TGFBI: variants seen among roughly 807,000 people sequenced by gnomAD.
TGFBI encodes transforming growth factor beta induced, also known as transforming growth factor-beta-induced protein ig-h3.
A neutral mutation model predicts 73.7 loss-of-function variants in TGFBI; 50 were observed. That is an observed-to-expected ratio of 0.68 (90% CI 0.54 to 0.86). The LOEUF (loss-of-function observed/expected upper bound fraction) is 0.86, where lower values mean the gene tolerates loss of function less well. TGFBI is among the 40% of genes least tolerant of loss of function. TGFBI has a pLI of 0.00. For missense variants in TGFBI, 839 were observed against 877.0 expected (o/e 0.96, Z 0.55); for synonymous variants, 362 against 360.5 (o/e 1.00, Z -0.05).
At position 136,052,991 on chromosome 5, in the gene TGFBI, C is replaced by T. The variant is rs767052038; in HGVS notation, c.998C>T (p.Thr333Met). ...CTGTCTGTAGAGACCCTGGAGGGCA[C>T]GACACTGGAGGTGGGCTGCAGCGGG... ...AGLSVETLEG[T>M]TLEVGCSGDM... The change falls in exon 8 of 17, where the codon ACG becomes ATG. Residue 333 changes from threonine to methionine, a missense_variant. Thr to Met is a moderately conservative substitution (Grantham distance 81). Coordinates refer to ENST00000442011, the MANE Select transcript of TGFBI (RefSeq NM_000358.3). 21 of 1,613,862 alleles carry T rather than the reference C, an allele frequency of 1.3e-5. No individual in the cohort carries two copies. The highest frequency in any genetic ancestry group is 1.0e-4 in the Admixed American group (6 of 60,002).
At chr5:136,035,112 C>T (rs1751190491) in intron 2 of TGFBI, among the ~76,000 whole-genome samples, 2 of 152,052 alleles carry the variant, frequency 1.3e-5, no homozygotes, top group African/African-American at 4.8e-5. Context: ...GGGGAGATAC[C>T]AGCAGTCCCT....
chr5:136,053,112 A>G lies in TGFBI; in HGVS notation c.1119A>G (p.Pro373=). ...VIHYIDELLI[P]DSAKTLFELA... ...ACTACATTGATGAGCTACTCATCCC[A>G]GACTCAGGTAGGCCAGGCCTCCGGG... Residue 373 remains proline, a synonymous_variant, in exon 8 of 17, where the codon CCA becomes CCG. Coordinates refer to ENST00000442011, the MANE Select transcript of TGFBI (RefSeq NM_000358.3). 1 of 1,613,918 alleles carries G rather than the reference A, an allele frequency of 6.2e-7. No homozygotes were observed.
At chr5:136,051,679 G>A (rs1246201593) in intron 7 of TGFBI, among the ~76,000 whole-genome samples, 1 of 152,206 alleles carries the variant, frequency 6.6e-6, no homozygotes, top group Non-Finnish European at 1.5e-5. Flanking sequence ...GAAGCAGCCA[G>A]GGCTGGTGGT....
In TGFBI at chr5:136,055,682, C is replaced by G. The variant is rs778990116; in HGVS notation, c.1413C>G (p.Ser471Arg). The G allele has an allele frequency of 6.2e-7, 1 of 1,600,342 alleles. No homozygotes were observed. Among genetic ancestry groups the G allele is most frequent in the East Asian group, 2.2e-5 (1 of 44,508 alleles). ...KKLRVFVYRNSLCIENSCIAA... is the reference protein window; with the variant it reads ...KKLRVFVYRNRLCIENSCIAA... ...TTCTCTGTCCCTCTTCTGTGCAGAG[C>G]CTCTGCATTGAGAACAGCTGCATCG... Residue 471 changes from serine (S) to arginine (R), a missense_variant and splice_region_variant, in exon 11 of 17, where the codon AGC becomes AGG. Transcript: ENST00000442011.
intron 16 of TGFBI, 68 bp from the exon 17 acceptor site, chr5:136,063,118 C>A (rs369092068): frequency 1.8e-4 from 266 of 1,466,362 alleles, no homozygotes; most frequent in Admixed American, 2.6e-4. Context: ...CCTTGAGATT[C>A]TGACAGTGTC....
At chr5:136,043,103 G>C (rs192440046) in intron 2 of TGFBI, among the ~76,000 whole-genome samples, 1 of 152,338 alleles carries the variant, frequency 6.6e-6, no homozygotes, top group East Asian at 1.9e-4. Context: ...GGAAGGACTG[G>C]CTGTTTGCAT....
intron 2 of TGFBI, among the ~76,000 whole-genome samples, chr5:136,038,913 C>T (rs112019008): frequency 3.3e-5 from 5 of 152,222 alleles, no homozygotes; most frequent in African/African-American, 1.2e-4. Flanking sequence ...CCCATAAGGC[C>T]GATTTCTGAC....
intron 7 of TGFBI, among the ~76,000 whole-genome samples, chr5:136,051,082 A>C (rs536512262): frequency 2.0e-5 from 3 of 152,186 alleles, no homozygotes; most frequent in Non-Finnish European, 2.9e-5. Flanking sequence ...AGGCTTTTAG[A>C]ACTGTATTCC....
chr5:136,060,672 T>C (rs565844262), intron 13 of TGFBI, among the ~76,000 whole-genome samples, 162 bp from the exon 14 acceptor site: 2 of 152,256 alleles, frequency 1.3e-5, no homozygotes, highest in South Asian at 4.1e-4. Flanking sequence ...ATCATGCCAC[T>C]GCACTCCAGC....
intron 1 of TGFBI, among the ~76,000 whole-genome samples, chr5:136,030,691 TC>T (rs2126900890): frequency 6.6e-6 from 1 of 152,324 alleles, no homozygotes; most frequent in South Asian, 2.1e-4. Flanking sequence ...TTTTATTATC[TC>T]TGCCCACCTC....
intron 12 of TGFBI, among the ~76,000 whole-genome samples, 184 bp downstream of exon 12, chr5:136,056,979 C>T (rs935306468): frequency 6.6e-6 from 1 of 152,120 alleles, no homozygotes; most frequent in Non-Finnish European, 1.5e-5. Flanking sequence ...ACTAGCAACC[C>T]TGGGAAGCCT....
chr5:136,059,515 G>A (rs568863345), intron 13 of TGFBI, among the ~76,000 whole-genome samples: 7 of 152,214 alleles, frequency 4.6e-5, no homozygotes, highest in African/African-American at 7.2e-5. Context: ...AACTAGTTAT[G>A]TGACTGAAGA....
chr5:136,032,608 C>T (rs950318705), intron 1 of TGFBI, among the ~76,000 whole-genome samples: 1 of 152,038 alleles, frequency 6.6e-6, no homozygotes, highest in Non-Finnish European at 1.5e-5. Flanking sequence ...TTGGGTGATA[C>T]CTGAAGTTCT....
chr5:136,056,660 T>C lies in TGFBI; in HGVS notation c.1548-5T>C. ...AGGTGACATTTTCTGTGTGTGTATC[T>C]ACAGCATGCTGGTAGCTGCCATCCA... On this transcript the variant is annotated splice_region_variant and splice_polypyrimidine_tract_variant and intron_variant, in intron 11 of 16. Transcript: ENST00000442011. 1 of 1,613,880 alleles carries C rather than the reference T, an allele frequency of 6.2e-7. No homozygotes were observed. The highest frequency in any genetic ancestry group is 8.5e-7 in the Non-Finnish European group (1 of 1,179,856).
Position 136,055,809 on chromosome 5 carries a change from C to G in TGFBI, c.1540C>G (p.Arg514Gly), listed in dbSNP as rs200065806. The G allele has an allele frequency of 1.2e-5, 19 of 1,606,118 alleles. No individual in the cohort carries two copies. The African/African-American group carries it at 2.0e-4, about 17-fold the overall frequency. ...TVMDVLKGDN[R>G]FSMLVAAIQS... ...CATGGATGTCCTGAAGGGAGACAAT[C>G]GCTTTAGGTAATTAGTTCCATCCCC... Residue 514 changes from arginine (R) to glycine (G), a missense_variant, in exon 11 of 17, where the codon CGC (arginine) becomes GGC (glycine). Transcript: ENST00000442011.
intron 2 of TGFBI, among the ~76,000 whole-genome samples, chr5:136,040,058 C>T (rs992895557): frequency 9.2e-5 from 14 of 152,206 alleles, no homozygotes; most frequent in African/African-American, 2.9e-4. Flanking sequence ...CAGGCATTTA[C>T]GGCCAGAGCA....
In TGFBI at chr5:136,047,748, A is replaced by G. The variant is rs1164406018; in HGVS notation, c.771+328A>G. The G allele has an allele frequency of 7.8e-5, 22 of 281,670 alleles. No individual in the cohort carries two copies. In the East Asian group the frequency reaches 1.7e-3, roughly 21 times the overall value. 17.4% of individuals were successfully genotyped at this position (281,670 alleles called of 1,614,324 possible). ...AGAGGTGGCAGTTCCCACATGGGGT[A>G]CTAGAATAAATGGCCTATCAGGCTG... On this transcript the variant is annotated intron_variant, in intron 6 of 16. Transcript: ENST00000442011.
At chr5:136,061,457 A>G (rs1416821878) in intron 14 of TGFBI, 43 bp from the exon 15 acceptor site, 1 of 1,425,654 alleles carries the variant, frequency 7.0e-7, no homozygotes, top group South Asian at 1.2e-5. Context: ...TGACATGCTA[A>G]TGGTTTCACT....
Position 136,060,889 on chromosome 5 carries a change from C to A in TGFBI, c.1859C>A (p.Ala620Asp). The change falls in exon 14 of 17, where the codon GCC (alanine) becomes GAC (aspartate). Residue 620 changes from alanine (A) to aspartate (D), a missense_variant. Physicochemically the swap from Ala to Asp is moderately radical, Grantham distance 126. Coordinates refer to ENST00000442011, the MANE Select transcript of TGFBI (RefSeq NM_000358.3). Reference protein sequence around the residue: ...KEPVAEPDIMATNGVVHVITN... With the variant: ...KEPVAEPDIMDTNGVVHVITN... ...CCTGTTGCCGAGCCTGACATCATGG[C>A]CACAAATGGCGTGGTCCATGTCATC... 6.2e-7 allele frequency: 1 copy of A among 1,600,758 alleles called. No individual in the cohort carries two copies.
Sources: gnomAD v4.1 joint callset for allele counts (sites outside exome capture counted in the v4.1 genomes callset) on GRCh38, gnomAD v4.1.1 for gene constraint, MANE v1.5 for transcripts, NCBI Gene and HGNC (gene_info 2026-07-23, HGNC 2026-07-21) for gene names.